Variants in ATP8A1 observed in about 807,000 individuals in gnomAD.
The protein encoded by ATP8A1 is phospholipid-transporting ATPase IA.
A neutral mutation model predicts 177.7 loss-of-function variants in ATP8A1; 90 were observed. The observed-to-expected ratio is 0.51, with a 90% CI of 0.43 to 0.60. The LOEUF (loss-of-function observed/expected upper bound fraction) is 0.60, where lower values mean the gene tolerates loss of function less well. Among genes scored for constraint, ATP8A1 ranks in the 20% least tolerant of loss-of-function variants. ATP8A1 has a pLI of 0.00. For missense variants in ATP8A1, 1,072 were observed against 1,392.8 expected, an observed-to-expected ratio of 0.77 and a Z score of 3.67; for synonymous variants, 493 against 485.9, an observed-to-expected ratio of 1.01 and a Z score of -0.19.
At chr4:42,594,566 GAT>G (rs751965737) in intron 6 of ATP8A1, among the ~76,000 whole-genome samples, 13 of 152,088 alleles carry the variant, frequency 8.5e-5, no homozygotes, top group Non-Finnish European at 1.5e-4. Context: ...TTGTATATTG[GAT>G]ATATAACTTA....
intron 15 of ATP8A1, chr4:42,561,364 G>C (rs10938197): frequency 6.6e-6 from 1 of 152,146 alleles, no homozygotes; most frequent in African/African-American, 2.4e-5. Context: ...CACTGAGGTG[G>C]ACATGCCAAT....
chr4:42,456,331 G>A lies in ATP8A1; in HGVS notation c.2620-732C>T, dbSNP rs551910294. 4.1e-4 allele frequency among the ~76,000 whole-genome samples: 62 copies of A among 152,146 alleles called. No individual in the cohort carries two copies. In the South Asian group the frequency reaches 5.8e-3, roughly 14 times the overall value. On this transcript the variant is annotated intron_variant, in intron 27 of 36. Transcript: ENST00000381668. ...TTCCTTAGGGTGAATTCTTAAGGTGGAATAGGTCAAAGTACATGAGTCTTC... is the reference window on the plus strand; with the variant it reads ...TTCCTTAGGGTGAATTCTTAAGGTGAAATAGGTCAAAGTACATGAGTCTTC...
At chr4:42,455,140 G>A (rs990016643) in intron 29 of ATP8A1, among the ~76,000 whole-genome samples, 157 bp downstream of exon 29, 2 of 152,136 alleles carry the variant, frequency 1.3e-5, no homozygotes, top group Admixed American at 6.6e-5. Flanking sequence ...TTCTCTGCCT[G>A]TATCAGAACC....
At chr4:42,508,192 G>T (rs1724647392) in intron 22 of ATP8A1, among the ~76,000 whole-genome samples, 2 of 152,110 alleles carry the variant, frequency 1.3e-5, no homozygotes, top group African/African-American at 4.8e-5. Flanking sequence ...AAGTACAGTG[G>T]TGCCATCTTG....
At chr4:42,488,670 G>A (rs779498151) in intron 24 of ATP8A1, among the ~76,000 whole-genome samples, 2 of 152,116 alleles carry the variant, frequency 1.3e-5, no homozygotes, top group Non-Finnish European at 2.9e-5. Context: ...TACATTCTGA[G>A]CCTAACTTTC....
At chr4:42,643,205 G>A (rs1001963232) in intron 1 of ATP8A1, among the ~76,000 whole-genome samples, 1 of 152,138 alleles carries the variant, frequency 6.6e-6, no homozygotes, top group Non-Finnish European at 1.5e-5. Context: ...TGGGGAACAC[G>A]TATTACACTA....
chr4:42,423,802 T>C, intron 33 of ATP8A1, 97 bp from the exon 34 acceptor site: 1 of 766,220 alleles, frequency 1.3e-6, no homozygotes, highest in South Asian at 1.7e-5. Context: ...ATTTTAAGAA[T>C]ATCATTCTGT....
At chr4:42,592,454 T>C (rs1282668495) in intron 6 of ATP8A1, among the ~76,000 whole-genome samples, 1 of 152,140 alleles carries the variant, frequency 6.6e-6, no homozygotes, top group Non-Finnish European at 1.5e-5. Flanking sequence ...GGCAGTATAG[T>C]CGATTATCTT....
chr4:42,492,464 G>A (rs1027048697), intron 24 of ATP8A1, among the ~76,000 whole-genome samples: 3 of 152,104 alleles, frequency 2.0e-5, no homozygotes, highest in African/African-American at 4.8e-5. Context: ...TGATTAGGTC[G>A]TGAGGGTGGA....
At chr4:42,600,361 T>C (rs1190017962) in intron 6 of ATP8A1, 117 bp downstream of exon 6, 5 of 667,390 alleles carry the variant, frequency 7.5e-6, no homozygotes, top group Non-Finnish European at 1.1e-5. Flanking sequence ...TATTACTAAA[T>C]AGCTTTTATA....
At position 42,594,547 on chromosome 4, in the gene ATP8A1, A is replaced by C. The variant is rs73810731; in HGVS notation, c.451-3663T>G. Among the ~76,000 whole-genome samples, 1,188 of 152,250 alleles carry C rather than the reference A, an allele frequency of 7.8e-3. 19 individuals are homozygous for C. The highest frequency in any genetic ancestry group is 0.027 in the African/African-American group (1,125 of 41,570). ...CAGGGTTGGAGGAATCCTTTAAAAAAAATGAACATTGTATATTGGATATAT... is the reference window on the plus strand; with the variant it reads ...CAGGGTTGGAGGAATCCTTTAAAAACAATGAACATTGTATATTGGATATAT... On this transcript the variant is annotated intron_variant, in intron 6 of 36. Coordinates refer to ENST00000381668, the MANE Select transcript of ATP8A1 (RefSeq NM_006095.2).
At chr4:42,546,440 G>A (rs1728932032) in intron 19 of ATP8A1, among the ~76,000 whole-genome samples, 1 of 125,618 alleles carries the variant, frequency 8.0e-6, no homozygotes, top group African/African-American at 2.9e-5. Context: ...GTGGGGTGGG[G>A]GGAGGGGGGA....
At chr4:42,515,587 A>G (rs1407416693) in intron 22 of ATP8A1, among the ~76,000 whole-genome samples, 3 of 152,182 alleles carry the variant, frequency 2.0e-5, no homozygotes, top group Non-Finnish European at 4.4e-5. Context: ...GGGGAGGGGT[A>G]AAGGAAATAA....
At chr4:42,482,762 G>C (rs2153188559) in intron 25 of ATP8A1, among the ~76,000 whole-genome samples, 1 of 152,284 alleles carries the variant, frequency 6.6e-6, no homozygotes, top group Non-Finnish European at 1.5e-5. Flanking sequence ...ATCTGTTATA[G>C]GAAGGCTTTC....
intron 4 of ATP8A1, among the ~76,000 whole-genome samples, chr4:42,623,658 G>A (rs566633918): frequency 9.2e-5 from 14 of 152,194 alleles, no homozygotes; most frequent in African/African-American, 2.9e-4. Flanking sequence ...GAGAACACAC[G>A]GACACAGAGG....
At chr4:42,601,384 A>AAT (rs1735254937) in intron 5 of ATP8A1, among the ~76,000 whole-genome samples, 1 of 142,238 alleles carries the variant, frequency 7.0e-6, no homozygotes, top group Non-Finnish European at 1.6e-5. Context: ...GAAAAAAAAA[A>AAT]GGCAGAAGAA....
chr4:42,494,069 C>T (rs775455381), intron 24 of ATP8A1, among the ~76,000 whole-genome samples: 17 of 140,096 alleles, frequency 1.2e-4, no homozygotes, highest in Non-Finnish European at 2.6e-4. Flanking sequence ...GGTGTGGTGG[C>T]ACATGTCTGT....
chr4:42,641,276 C>T (rs550007093), intron 1 of ATP8A1, among the ~76,000 whole-genome samples: 2 of 152,276 alleles, frequency 1.3e-5, no homozygotes, highest in South Asian at 4.1e-4. Flanking sequence ...AGACACCTGA[C>T]CCAGCAAGGC....
chr4:42,571,297 T>C (rs1010388517), intron 14 of ATP8A1, among the ~76,000 whole-genome samples: 5 of 152,312 alleles, frequency 3.3e-5, no homozygotes, highest in South Asian at 2.1e-4. Flanking sequence ...TATATAAAGA[T>C]TGCTTTTAAA....
Sources: gnomAD v4.1 joint callset for allele counts (sites outside exome capture counted in the v4.1 genomes callset) on GRCh38, gnomAD v4.1.1 for gene constraint, MANE v1.5 for transcripts, NCBI Gene and HGNC (gene_info 2026-07-23, HGNC 2026-07-21) for gene names.